Variants in ROBO2 observed in about 807,000 individuals in gnomAD.
The protein encoded by ROBO2 is roundabout guidance receptor 2.
In ROBO2, 53 loss-of-function variants were observed where a neutral mutation model predicts 160.8. That is an observed-to-expected ratio of 0.33 (90% CI 0.26 to 0.41). The LOEUF (loss-of-function observed/expected upper bound fraction) is 0.41, where lower values mean the gene tolerates loss of function less well. ROBO2 is among the 10% of genes least tolerant of loss of function. The pLI is 1.00. For synonymous variants in ROBO2, 664 were observed against 611.7 expected (o/e 1.09, Z -1.26); for missense variants, 1,577 against 1,722.4 (o/e 0.92, Z 1.49).
chr3:76,183,821 C>G (rs752470740), intron 2 of ROBO2, among the ~76,000 whole-genome samples: 2 of 152,074 alleles, frequency 1.3e-5, no homozygotes, highest in Non-Finnish European at 2.9e-5. Context: ...GTTCACACAG[C>G]TCTATTTAAA....
intron 2 of ROBO2, among the ~76,000 whole-genome samples, chr3:76,701,021 G>A (rs2093035121): frequency 6.6e-6 from 1 of 151,978 alleles, no homozygotes; most frequent in African/African-American, 2.4e-5. Flanking sequence ...TCCTAATGGG[G>A]CCCATAAGAA....
intron 2 of ROBO2, among the ~76,000 whole-genome samples, chr3:76,320,125 A>G (rs1257393566): frequency 6.6e-6 from 1 of 152,138 alleles, no homozygotes; most frequent in Non-Finnish European, 1.5e-5. Flanking sequence ...TTCATTTTGT[A>G]ATGAAATTCT....
At chr3:76,835,867 T>C (rs1235755860) in intron 2 of ROBO2, among the ~76,000 whole-genome samples, 1 of 151,960 alleles carries the variant, frequency 6.6e-6, no homozygotes, top group Admixed American at 6.6e-5. Context: ...ATAAAGCACA[T>C]ATGAGATTTA....
intron 2 of ROBO2, among the ~76,000 whole-genome samples, chr3:76,166,880 C>T (rs1255705427): frequency 2.0e-5 from 3 of 152,098 alleles, no homozygotes; most frequent in East Asian, 1.9e-4. Flanking sequence ...GACATGTGCA[C>T]TTATTAAGTC....
intron 2 of ROBO2, among the ~76,000 whole-genome samples, chr3:76,482,731 GATCT>G (rs1349956761): frequency 2.6e-5 from 4 of 152,066 alleles, no homozygotes; most frequent in African/African-American, 7.2e-5. Context: ...GTGAATCACT[GATCT>G]ATTATCCAAG....
chr3:77,566,360 C>T (rs1277264215), intron 12 of ROBO2, among the ~76,000 whole-genome samples: 1 of 152,064 alleles, frequency 6.6e-6, no homozygotes, highest in Non-Finnish European at 1.5e-5. Flanking sequence ...AAAAGCACAA[C>T]AAGGAATTTG....
chr3:77,527,546 T>A, intron 6 of ROBO2, 132 bp downstream of exon 7: 1 of 589,904 alleles, frequency 1.7e-6, no homozygotes, highest in Non-Finnish European at 2.3e-6. Context: ...CTGTATGCTG[T>A]AAAAGTTGCT....
At chr3:76,887,355 C>T (rs932083234) in intron 2 of ROBO2, among the ~76,000 whole-genome samples, 15 of 151,486 alleles carry the variant, frequency 9.9e-5, no homozygotes, top group South Asian at 4.2e-4. Context: ...ACTTCTGTGT[C>T]GCTAGTTCTA....
intron 2 of ROBO2, among the ~76,000 whole-genome samples, chr3:76,489,290 T>C (rs1490473588): frequency 6.6e-6 from 1 of 151,786 alleles, no homozygotes; most frequent in African/African-American, 2.4e-5. Flanking sequence ...AAATGGGAAA[T>C]TACCTGCTCT....
intron 2 of ROBO2, among the ~76,000 whole-genome samples, chr3:76,939,175 A>C (rs1330501393): frequency 6.6e-6 from 1 of 152,180 alleles, no homozygotes. Flanking sequence ...AAAATGAAGA[A>C]GAGAAAGGAA....
chr3:77,506,211 A>G (rs1046819737), intron 5 of ROBO2, among the ~76,000 whole-genome samples: 3 of 152,158 alleles, frequency 2.0e-5, no homozygotes, highest in Non-Finnish European at 4.4e-5. Context: ...GTATATTTCT[A>G]TATAACTTTC....
intron 20 of ROBO2, among the ~76,000 whole-genome samples, chr3:77,606,284 C>T (rs1396259540): frequency 2.6e-5 from 4 of 152,088 alleles, no homozygotes; most frequent in African/African-American, 9.7e-5. Context: ...AGTTGATATG[C>T]ATTGTCTCTT....
At chr3:76,277,345 G>A (rs1211029683) in intron 2 of ROBO2, among the ~76,000 whole-genome samples, 5 of 151,968 alleles carry the variant, frequency 3.3e-5, no homozygotes, top group Admixed American at 1.3e-4. Flanking sequence ...CTACAATGCT[G>A]TGCTTTGATT....
At chr3:76,061,450 T>G (rs764919060) in intron 2 of ROBO2, among the ~76,000 whole-genome samples, 53 of 152,232 alleles carry the variant, frequency 3.5e-4, no homozygotes, top group Non-Finnish European at 6.9e-4. Flanking sequence ...TTGTTCATTC[T>G]GTAACTAAAG....
chr3:76,143,566 C>T lies in ROBO2; in HGVS notation c.109+205964C>T, dbSNP rs138807385. Among the ~76,000 whole-genome samples, 35 of 152,080 alleles carry T rather than the reference C, an allele frequency of 2.3e-4. 1 individual carries two copies. The highest frequency in any genetic ancestry group is 7.5e-4 in the African/African-American group (31 of 41,526). The stretch of plus-strand genomic sequence containing the variant: ...AATACTCTCTCTACTAACAGAAAAA[C>T]AGTCACTAGTGTCTTTAAATCTAAT... On this transcript the variant is annotated intron_variant, in intron 2 of 26. Transcript: ENST00000487694.
intron 2 of ROBO2, among the ~76,000 whole-genome samples, chr3:77,154,864 A>C (rs1445885958): frequency 2.0e-5 from 3 of 151,866 alleles, no homozygotes; most frequent in Non-Finnish European, 4.4e-5. Context: ...GGGGACTTAT[A>C]GATGGGGGAG....
chr3:77,595,213 T>C, intron 18 of ROBO2, 29 bp downstream of exon 19: 1 of 1,545,010 alleles, frequency 6.5e-7, no homozygotes, highest in Non-Finnish European at 8.9e-7. Flanking sequence ...TTCATTATTA[T>C]TTTTATTTTT....
intron 2 of ROBO2, among the ~76,000 whole-genome samples, chr3:76,254,743 G>GAC (rs1247406048): frequency 6.6e-6 from 1 of 151,762 alleles, no homozygotes; most frequent in Non-Finnish European, 1.5e-5. Context: ...CTCAGAGAGA[G>GAC]AGAGAGAGAG....
intron 2 of ROBO2, among the ~76,000 whole-genome samples, chr3:76,806,959 T>TA (rs2108931327): frequency 6.6e-6 from 1 of 152,206 alleles, no homozygotes; most frequent in East Asian, 1.9e-4. Flanking sequence ...GACAAGTTTT[T>TA]ATGATGGATT....
Sources: gnomAD v4.1 joint callset for allele counts (sites outside exome capture counted in the v4.1 genomes callset) on GRCh38, gnomAD v4.1.1 for gene constraint, MANE v1.5 for transcripts, NCBI Gene and HGNC (gene_info 2026-07-23, HGNC 2026-07-21) for gene names.